Variants in PARL observed in about 807,000 individuals in gnomAD.
The protein encoded by PARL is presenilin associated rhomboid like, also known as presenilin-associated rhomboid-like protein, mitochondrial.
PARL carries 44 observed loss-of-function variants against 51.6 expected under a neutral mutation model. The observed-to-expected ratio is 0.85, with a 90% CI of 0.67 to 1.10. The LOEUF is 1.10. Among genes scored for constraint, PARL ranks in the 50% least tolerant of loss-of-function variants. PARL has a pLI of 0.00. For missense variants in PARL, 441 were observed against 469.5 expected, an observed-to-expected ratio of 0.94 and a Z score of 0.56; for synonymous variants, 172 against 164.0, an observed-to-expected ratio of 1.05 and a Z score of -0.37.
rs1416850975 is a variant in PARL at position 183,867,968 on chromosome 3, G to C, written c.218C>G (p.Ala73Gly). The change falls in exon 2 of 10, where the codon GCA (alanine) becomes GGA (glycine). Residue 73 changes from alanine (A) to glycine (G), a missense_variant. By Grantham distance (60) the Ala-to-Gly change is moderately conservative. Transcript: ENST00000317096. ...RRSDPGTSGEAYKRSALIPPV... is the reference protein window; with the variant it reads ...RRSDPGTSGEGYKRSALIPPV... Reference sequence around the variant, plus strand: ...AGGAATCAAAGCACTTCTCTTGTATGCTTCACCACTTGTCCCTGGGTCTGA... The same window carrying C: ...AGGAATCAAAGCACTTCTCTTGTATCCTTCACCACTTGTCCCTGGGTCTGA... 5.0e-6 allele frequency: 8 copies of C among 1,613,536 alleles called. No homozygotes were observed. Among genetic ancestry groups the C allele is most frequent in the Admixed American group, 3.3e-5 (2 of 60,002 alleles).
intron 1 of PARL, among the ~76,000 whole-genome samples, chr3:183,869,818 C>A (rs1698534183): frequency 6.6e-6 from 1 of 152,084 alleles, no homozygotes; most frequent in South Asian, 2.1e-4. Context: ...CTTTCTACTC[C>A]AGTATTTCCA....
At position 183,842,313 on chromosome 3, in the gene PARL, C is replaced by G; in HGVS notation, c.742G>C (p.Val248Leu). ...AGCATATTACCTGCAGATAGGTACA[C>G]TGCCATGAACTGCTCTTGACCCAGA... The part of the protein sequence containing the change: ...NILGQEQFMA[V>L]YLSAGVISNF... The change falls in exon 6 of 10, where the codon GTG (valine) becomes CTG (leucine). Residue 248 changes from valine (V) to leucine (L), a missense_variant. Transcript: ENST00000317096. 1.2e-6 allele frequency: 2 copies of G among 1,612,642 alleles called. No individual in the cohort carries two copies. The highest frequency in any genetic ancestry group is 1.1e-5 in the South Asian group (1 of 91,030).
Position 183,867,967 on chromosome 3 carries a change from T to C in PARL, c.219A>G (p.Ala73=), listed in dbSNP as rs1396354793. 6.2e-7 allele frequency: 1 copy of C among 1,613,994 alleles called. No individual in the cohort carries two copies. The highest frequency in any genetic ancestry group is 1.1e-5 in the South Asian group (1 of 91,080). Residue 73 remains alanine (A), a synonymous_variant, in exon 2 of 10, where the codon GCA becomes GCG. Transcript: ENST00000317096. ...RRSDPGTSGE[A]YKRSALIPPV... Reference sequence around the variant, plus strand: ...GAGGAATCAAAGCACTTCTCTTGTATGCTTCACCACTTGTCCCTGGGTCTG... The same window carrying C: ...GAGGAATCAAAGCACTTCTCTTGTACGCTTCACCACTTGTCCCTGGGTCTG...
chr3:183,883,769 G>A (rs1047934916), intron 1 of PARL: 2 of 858,446 alleles, frequency 2.3e-6, no homozygotes, highest in Non-Finnish European at 2.8e-6. Context: ...CGGACATATA[G>A]GTTCTTCCAC....
chr3:183,882,294 T>TATATGCAC (rs1734624012), intron 1 of PARL, among the ~76,000 whole-genome samples: 1 of 96,212 alleles, frequency 1.0e-5, no homozygotes, highest in Non-Finnish European at 2.2e-5. Flanking sequence ...CACACACACA[T>TATATGCAC]ATATATACAC....
intron 1 of PARL, among the ~76,000 whole-genome samples, chr3:183,883,141 G>A (rs1383150583): frequency 3.3e-5 from 5 of 152,172 alleles, no homozygotes; most frequent in Middle Eastern, 3.4e-3. Context: ...TGTTTCAAAT[G>A]GTCTTTATAC....
chr3:183,855,616 C>T (rs1731059097), intron 4 of PARL, among the ~76,000 whole-genome samples: 1 of 152,132 alleles, frequency 6.6e-6, no homozygotes, highest in Non-Finnish European at 1.5e-5. Flanking sequence ...GAAGTAATTA[C>T]ACAACTTATC....
chr3:183,882,245 T>A (rs369961953), intron 1 of PARL, among the ~76,000 whole-genome samples: 2,293 of 29,136 alleles, frequency 0.079, 194 homozygotes, highest in East Asian at 0.25. Context: ...ATATATATAT[T>A]TATATATATA....
At chr3:183,834,886 CAAAAAAAAAA>C (rs60078452) in intron 7 of PARL, among the ~76,000 whole-genome samples, 1 of 108,678 alleles carries the variant, frequency 9.2e-6, no homozygotes, top group Non-Finnish European at 1.8e-5. Context: ...ACTAAAAATA[CAAAAAAAAAA>C]AAAAAAAAAA....
intron 9 of PARL, 86 bp downstream of exon 9, chr3:183,833,406 G>T: frequency 1.2e-6 from 1 of 834,348 alleles, no homozygotes. Context: ...TCTCTGCCAT[G>T]GGGATGGGGG....
chr3:183,840,693 CTT>C, intron 6 of PARL, 53 bp from the exon 7 acceptor site: 4 of 736,614 alleles, frequency 5.4e-6, no homozygotes, highest in Admixed American at 2.7e-5. Context: ...AAATGGTTTA[CTT>C]TTTTTTTTCT....
chr3:183,830,303 G>T (rs752446270), intron 9 of PARL, among the ~76,000 whole-genome samples: 18 of 152,222 alleles, frequency 1.2e-4, no homozygotes, highest in Non-Finnish European at 2.4e-4. Context: ...CGCACAGAGA[G>T]GTTTAGTAAC....
Position 183,829,609 on chromosome 3 carries a change from C to T in PARL, c.1129G>A (p.Gly377Ser). The T allele has an allele frequency of 6.2e-7, 1 of 1,614,162 alleles. No individual in the cohort carries two copies. The highest frequency in any genetic ancestry group is 8.5e-7 in the Non-Finnish European group (1 of 1,180,026). Residue 377 changes from glycine to serine, a missense_variant, in exon 10 of 10, where the codon GGC becomes AGC. Transcript: ENST00000317096. ...GTCCAATCCCAGTTTTACTTAGAGC[C>T]ACCTCCTTTTTTGGGGCCATTAGTC... ...IRTNGPKKGG[G>S]SK
intron 3 of PARL, among the ~76,000 whole-genome samples, 157 bp from the exon 4 acceptor site, chr3:183,862,958 G>A (rs1481181920): frequency 6.6e-6 from 1 of 152,126 alleles, no homozygotes; most frequent in Admixed American, 6.6e-5. Flanking sequence ...AGTGGAAAAG[G>A]CACATGTTTT....
intron 4 of PARL, among the ~76,000 whole-genome samples, chr3:183,852,709 A>G (rs1467635800): frequency 6.6e-6 from 1 of 152,234 alleles, no homozygotes; most frequent in Non-Finnish European, 1.5e-5. Flanking sequence ...TAAAGCAACT[A>G]AAGTGTGCAC....
chr3:183,842,267 TCTCAAAGGCCC>T lies in PARL; in HGVS notation c.757+20_757+30del. 1 of 1,606,836 alleles carries T rather than the reference TCTCAAAGGCCC, an allele frequency of 6.2e-7. No individual in the cohort carries two copies. The highest frequency in any genetic ancestry group is 1.1e-5 in the South Asian group (1 of 90,892). On this transcript the variant is annotated intron_variant, in intron 6 of 9. Transcript: ENST00000317096. The stretch of plus-strand genomic sequence containing the variant: ...TGCAGATAGCTTAGAGTGCTTATAC[TCTCAAAGGCCC>T]CGAGATTAAAGCATATTACCTGCAG...
At chr3:183,882,373 A>G (rs923260442) in intron 1 of PARL, among the ~76,000 whole-genome samples, 1 of 138,670 alleles carries the variant, frequency 7.2e-6, no homozygotes, top group Non-Finnish European at 1.5e-5. Context: ...ATATATACAC[A>G]CACATATATA....
chr3:183,857,248 AAAAC>A lies in PARL; in HGVS notation c.511+5501_511+5504del, dbSNP rs376956785. ...TGAGTGACAAGTGAGACGCTGTCTC[AAAAC>A]AAACCAAAACAAACAAAAAAGCCTG... On this transcript the variant is annotated intron_variant, in intron 4 of 9. Coordinates refer to ENST00000317096, the MANE Select transcript of PARL (RefSeq NM_018622.7). Among the ~76,000 whole-genome samples the A allele has an allele frequency of 3.8e-3, 572 of 152,302 alleles. 2 individuals carry two copies. Among genetic ancestry groups the A allele is most frequent in the African/African-American group, 0.013 (549 of 41,570 alleles).
intron 1 of PARL, among the ~76,000 whole-genome samples, chr3:183,881,828 A>G (rs960445905): frequency 4.6e-4 from 70 of 152,192 alleles, no homozygotes; most frequent in African/African-American, 1.6e-3. Context: ...TATTTTCTTG[A>G]CCCCATCGTG....
Sources: gnomAD v4.1 joint callset for allele counts (sites outside exome capture counted in the v4.1 genomes callset) on GRCh38, gnomAD v4.1.1 for gene constraint, MANE v1.5 for transcripts, NCBI Gene and HGNC (gene_info 2026-07-23, HGNC 2026-07-21) for gene names.